The following ART3 variants were observed in gnomAD, a reference collection of about 807,000 sequenced individuals.
ART3 encodes the protein ecto-ADP-ribosyltransferase 3.
In ART3, 49 loss-of-function variants were observed where a neutral mutation model predicts 48.5. That is an observed-to-expected ratio of 1.01 (90% CI 0.80 to 1.28). The LOEUF is 1.28. Ranked by LOEUF, ART3 falls within the 50% of genes most tolerant of loss-of-function variation. The pLI is 0.00. For missense variants in ART3, 438 were observed against 454.3 expected, an observed-to-expected ratio of 0.96 and a Z score of 0.33; for synonymous variants, 145 against 157.2, an observed-to-expected ratio of 0.92 and a Z score of 0.58.
At chr4:76,014,039 T>C (rs564683337) in intron 1 of ART3, among the ~76,000 whole-genome samples, 7 of 152,320 alleles carry the variant, frequency 4.6e-5, no homozygotes, top group African/African-American at 1.7e-4. Context: ...TTTTCCATTT[T>C]GTTAAATTAA....
intron 1 of ART3, among the ~76,000 whole-genome samples, chr4:76,069,270 A>T (rs1398301914): frequency 1.3e-5 from 2 of 150,752 alleles, no homozygotes; most frequent in African/African-American, 5.0e-5. Flanking sequence ...ACGCATTAAC[A>T]GTCTTCCTCA....
intron 1 of ART3, among the ~76,000 whole-genome samples, chr4:76,056,631 T>G (rs4422436): frequency 6.6e-6 from 1 of 151,858 alleles, no homozygotes; most frequent in Non-Finnish European, 1.5e-5. Flanking sequence ...CCAGGAAAGG[T>G]GCAAAGTTCC....
At chr4:76,104,106 T>C (rs1479054037) in intron 9 of ART3, 137 bp downstream of exon 9, 2 of 1,033,772 alleles carry the variant, frequency 1.9e-6, no homozygotes, top group Non-Finnish European at 2.9e-6. Flanking sequence ...TCTACAAATA[T>C]TTAGCTGGGG....
intron 3 of ART3, among the ~76,000 whole-genome samples, chr4:76,083,919 C>T (rs79588225): frequency 1.5e-3 from 221 of 152,154 alleles, no homozygotes; most frequent in Middle Eastern, 0.014. Flanking sequence ...AAGCCAACAC[C>T]CTCCTTCCCA....
intron 1 of ART3, among the ~76,000 whole-genome samples, chr4:76,028,414 ATTGAT>A (rs1368437873): frequency 6.6e-6 from 1 of 152,256 alleles, no homozygotes; most frequent in Non-Finnish European, 1.5e-5. Context: ...TTCAGTCGCT[ATTGAT>A]TTATCTTTAA....
At chr4:76,031,700 T>C (rs1338302864) in intron 1 of ART3, among the ~76,000 whole-genome samples, 2 of 152,228 alleles carry the variant, frequency 1.3e-5, no homozygotes, top group Non-Finnish European at 2.9e-5. Context: ...GTGTCATTCC[T>C]CTGCTGTAAA....
chr4:76,072,610 G>A (rs1720431246), upstream of ART3, among the ~76,000 whole-genome samples: 1 of 150,570 alleles, frequency 6.6e-6, no homozygotes, highest in South Asian at 2.1e-4. Context: ...ATAACAGCCA[G>A]AGTGATCCTC....
rs1247817841 is a variant in ART3, at chr4:76,112,711, ATAC to A, written c.*197_*199del. On this transcript the variant is annotated 3_prime_UTR_variant, in exon 12 of 12. Coordinates refer to ENST00000355810, the MANE Select transcript of ART3 (RefSeq NM_001130016.3). ...ATATGTCACAGAACTTTTCACTTGT[ATAC>A]TACTCTTACAATGGAAAAAAATCCC... 7 of 513,106 alleles carry A rather than the reference ATAC, an allele frequency of 1.4e-5. No individual in the cohort carries two copies. The highest frequency in any genetic ancestry group is 3.2e-6 in the Non-Finnish European group (1 of 309,908). 31.8% of individuals were successfully genotyped at this position (513,106 alleles called of 1,614,324 possible).
chr4:76,080,273 C>T (rs4859611), intron 2 of ART3, among the ~76,000 whole-genome samples: 59,015 of 151,932 alleles, frequency 0.39, 12,428 homozygotes, highest in African/African-American at 0.55. Flanking sequence ...ACGATACAGA[C>T]CGTACCCTTA....
chr4:76,069,386 C>CTT lies in ART3; in HGVS notation c.-9-6475_-9-6474dup, dbSNP rs34858048. On this transcript the variant is annotated intron_variant, in intron 1 of 9. Coordinates refer to the ART3 transcript ENST00000341029. ...ATGTAAATGTATCAGTACTTAATTC[C>CTT]TTTTTTTTTTTTTTTTTTTTTGAGA... Among the ~76,000 whole-genome samples the CTT allele has an allele frequency of 3.1e-3, 345 of 110,086 alleles. 7 individuals carry two copies. The highest frequency in any genetic ancestry group is 9.1e-3 in the African/African-American group (263 of 29,028). The allele number at this position is 110,086 out of a possible 152,430, so 72.2% of individuals were successfully genotyped here.
At chr4:76,042,727 G>A (rs1054939245) in intron 1 of ART3, among the ~76,000 whole-genome samples, 3 of 151,958 alleles carry the variant, frequency 2.0e-5, no homozygotes, top group African/African-American at 7.3e-5. Flanking sequence ...GACTTTCGCG[G>A]TGAGTGTTAC....
intron 1 of ART3, among the ~76,000 whole-genome samples, chr4:76,039,344 A>T (rs1310524684): frequency 6.6e-6 from 1 of 152,120 alleles, no homozygotes; most frequent in African/African-American, 2.4e-5. Flanking sequence ...TAGGGCTGTT[A>T]TAAACTAGGT....
chr4:76,040,279 C>T (rs567334735), intron 1 of ART3, among the ~76,000 whole-genome samples: 85 of 152,228 alleles, frequency 5.6e-4, no homozygotes, highest in African/African-American at 2.0e-3. Context: ...GAGCCAAGAT[C>T]GCGTCACTGC....
intron 1 of ART3, among the ~76,000 whole-genome samples, chr4:76,068,488 A>G (rs1179084664): frequency 2.0e-5 from 3 of 152,334 alleles, no homozygotes; most frequent in Middle Eastern, 3.4e-3. Flanking sequence ...AACATGGATG[A>G]AGCTAGAGGC....
At chr4:76,036,334 T>C (rs903063246) in intron 1 of ART3, 1 of 306,472 alleles carries the variant, frequency 3.3e-6, no homozygotes, top group African/African-American at 2.2e-5. Flanking sequence ...TCGGACTACT[T>C]TGGGCAGCGG....
intron 6 of ART3, 88 bp from the exon 7 acceptor site, chr4:76,100,693 GAATATTTTCATATT>G: frequency 7.4e-7 from 1 of 1,351,502 alleles, no homozygotes; most frequent in African/African-American, 1.5e-5. Flanking sequence ...TTACAGGTGG[GAATATTTTCATATT>G]TCTTGCAAAT....
intron 1 of ART3, among the ~76,000 whole-genome samples, chr4:76,049,687 T>G (rs1328759535): frequency 6.6e-6 from 1 of 151,922 alleles, no homozygotes; most frequent in Non-Finnish European, 1.5e-5. Flanking sequence ...GAAAGGGGTC[T>G]GATGGTACTC....
At chr4:76,066,278 A>G (rs2149491358) in intron 1 of ART3, among the ~76,000 whole-genome samples, 2 of 152,086 alleles carry the variant, frequency 1.3e-5, no homozygotes, top group South Asian at 2.1e-4. Flanking sequence ...TCCTGCGTCC[A>G]GGAAGAATGA....
intron 1 of ART3, 145 bp from the exon 2 acceptor site, chr4:76,075,736 G>C: frequency 1.7e-6 from 1 of 601,884 alleles, no homozygotes; most frequent in Non-Finnish European, 2.9e-6. Flanking sequence ...CTTGTAGCCC[G>C]TTAGGAATTT....
Sources: gnomAD v4.1 joint callset for allele counts (sites outside exome capture counted in the v4.1 genomes callset) on GRCh38, gnomAD v4.1.1 for gene constraint, MANE v1.5 for transcripts, NCBI Gene and HGNC (gene_info 2026-07-23, HGNC 2026-07-21) for gene names.